Variants in TENM3 observed in about 807,000 individuals in gnomAD.
TENM3 encodes teneurin transmembrane protein 3.
Under a neutral mutation model 255.1 loss-of-function variants are expected in TENM3, and 63 were observed. The ratio of observed to expected loss-of-function variants is 0.25; its 90% CI spans 0.20 to 0.30. The LOEUF (loss-of-function observed/expected upper bound fraction) is 0.30. TENM3 is among the 10% of genes least tolerant of loss of function. The pLI, the probability that TENM3 is intolerant of heterozygous loss-of-function variation, is 1.00. For synonymous variants in TENM3, 1,306 were observed against 1,322.3 expected (o/e 0.99, Z 0.27); for missense variants, 2,929 against 3,461.1 (o/e 0.85, Z 3.86).
chr4:182,397,083 G>C (rs1288235996), intron 3 of TENM3, among the ~76,000 whole-genome samples: 2 of 151,896 alleles, frequency 1.3e-5, no homozygotes, highest in Non-Finnish European at 2.9e-5. Context: ...AAATACAATT[G>C]CTTCCATCAT....
At chr4:182,096,036 G>A in the TENM3 span, among the ~76,000 whole-genome samples, 1 of 151,862 alleles carries the variant, frequency 6.6e-6, no homozygotes. Context: ...AGGCTGAGGT[G>A]GGAGGATTGC....
the TENM3 span, among the ~76,000 whole-genome samples, chr4:181,989,370 A>T: frequency 6.6e-6 from 1 of 152,138 alleles, no homozygotes; most frequent in South Asian, 2.1e-4. Context: ...GCTGGCAAAA[A>T]GGCATGTCTT....
At chr4:182,098,486 T>A in the TENM3 span, among the ~76,000 whole-genome samples, 1 of 152,290 alleles carries the variant, frequency 6.6e-6, no homozygotes, top group South Asian at 2.1e-4. Context: ...ATATACACAA[T>A]GGAGTACTAT....
At chr4:182,394,675 A>C (rs988391225) in intron 3 of TENM3, among the ~76,000 whole-genome samples, 6 of 152,204 alleles carry the variant, frequency 3.9e-5, no homozygotes, top group African/African-American at 4.8e-5. Context: ...TTGCTTGAAA[A>C]TGTAGTCTAG....
chr4:181,564,906 T>C, the TENM3 span, among the ~76,000 whole-genome samples: 1 of 152,200 alleles, frequency 6.6e-6, no homozygotes, highest in Non-Finnish European at 1.5e-5. Flanking sequence ...GGCAGCTTTG[T>C]GGCTTTCTGA....
At chr4:181,839,345 GTATATATATATATA>G in the TENM3 span, among the ~76,000 whole-genome samples, 27 of 56,666 alleles carry the variant, frequency 4.8e-4, no homozygotes, top group East Asian at 1.1e-3. Flanking sequence ...TGTATTGAGG[GTATATATATATATA>G]TATATATATA....
At position 182,280,735 on chromosome 4, in the gene TENM3, T is replaced by C. The variant is rs556704190; in HGVS notation, c.-76+37259T>C. 2.6e-5 allele frequency among the ~76,000 whole-genome samples: 4 copies of C among 152,270 alleles called. No homozygotes were observed. In the South Asian group the frequency reaches 8.3e-4, roughly 32 times the overall value. On this transcript the variant is annotated intron_variant, in intron 1 of 27. Coordinates refer to ENST00000511685, the MANE Select transcript of TENM3 (RefSeq NM_001080477.4). ...CACAAACCTGGCGGGTCAATTGGAC[T>C]TGCCACTTCTCTGGGCATCATCTAC... is the stretch of plus-strand genomic sequence containing the variant.
intron 13 of TENM3, among the ~76,000 whole-genome samples, chr4:182,724,235 T>C (rs1445727182): frequency 6.6e-6 from 1 of 152,218 alleles, no homozygotes; most frequent in East Asian, 1.9e-4. Context: ...AACCTAATAT[T>C]CCTGAAACTA....
chr4:181,732,538 T>C, the TENM3 span, among the ~76,000 whole-genome samples: 1 of 152,178 alleles, frequency 6.6e-6, no homozygotes, highest in Non-Finnish European at 1.5e-5. Flanking sequence ...ATAAATCAGG[T>C]AGGGCCGTAG....
chr4:181,525,735 T>C, the TENM3 span, among the ~76,000 whole-genome samples: 1 of 152,194 alleles, frequency 6.6e-6, no homozygotes, highest in Non-Finnish European at 1.5e-5. Flanking sequence ...AATACAAATC[T>C]CCTTTTCTCA....
At chr4:181,586,097 G>A in the TENM3 span, among the ~76,000 whole-genome samples, 1 of 152,150 alleles carries the variant, frequency 6.6e-6, no homozygotes, top group Non-Finnish European at 1.5e-5. Flanking sequence ...TTAACTAGGT[G>A]GGATGGAGGG....
the TENM3 span, among the ~76,000 whole-genome samples, chr4:182,131,204 T>C: frequency 6.6e-6 from 1 of 152,204 alleles, no homozygotes; most frequent in African/African-American, 2.4e-5. Flanking sequence ...TTCTACAATT[T>C]AACCCTGAAC....
At chr4:181,803,566 C>A in the TENM3 span, among the ~76,000 whole-genome samples, 1 of 152,058 alleles carries the variant, frequency 6.6e-6, no homozygotes, top group African/African-American at 2.4e-5. Context: ...CTTTCTAGAC[C>A]AGTGCCTTAA....
At chr4:181,992,008 A>T in the TENM3 span, among the ~76,000 whole-genome samples, 1 of 152,174 alleles carries the variant, frequency 6.6e-6, no homozygotes, top group South Asian at 2.1e-4. Flanking sequence ...CTAAACCTTT[A>T]AAAAAATTCT....
At chr4:181,879,624 A>G in the TENM3 span, among the ~76,000 whole-genome samples, 1 of 152,224 alleles carries the variant, frequency 6.6e-6, no homozygotes, top group African/African-American at 2.4e-5. Context: ...TTTAAAATTC[A>G]TATACAGCAA....
chr4:181,618,048 A>G, the TENM3 span, among the ~76,000 whole-genome samples: 2 of 152,212 alleles, frequency 1.3e-5, no homozygotes, highest in African/African-American at 4.8e-5. Flanking sequence ...AATCAGCATC[A>G]GTGGTGTCAT....
At chr4:182,434,267 A>G (rs1771882389) in intron 3 of TENM3, among the ~76,000 whole-genome samples, 1 of 152,188 alleles carries the variant, frequency 6.6e-6, no homozygotes, top group Non-Finnish European at 1.5e-5. Flanking sequence ...GATAACCTTG[A>G]GAAAAAAAGG....
At chr4:182,097,435 T>C in the TENM3 span, among the ~76,000 whole-genome samples, 1 of 152,116 alleles carries the variant, frequency 6.6e-6, no homozygotes, top group Non-Finnish European at 1.5e-5. Flanking sequence ...CATGATGCCT[T>C]GAGTGCTCCT....
the TENM3 span, among the ~76,000 whole-genome samples, chr4:181,759,198 T>G: frequency 4.6e-5 from 7 of 151,964 alleles, no homozygotes; most frequent in Non-Finnish European, 4.4e-5. Flanking sequence ...AAGTGAGAAT[T>G]AAAGAAATGA....
Sources: gnomAD v4.1 joint callset for allele counts (sites outside exome capture counted in the v4.1 genomes callset) on GRCh38, gnomAD v4.1.1 for gene constraint, MANE v1.5 for transcripts, NCBI Gene and HGNC (gene_info 2026-07-23, HGNC 2026-07-21) for gene names.